The following ABCA5 variants were observed in gnomAD, a reference collection of about 807,000 sequenced individuals.
ABCA5 encodes cholesterol transporter ABCA5.
A neutral mutation model predicts 206.0 loss-of-function variants in ABCA5; 163 were observed. The observed-to-expected ratio is 0.79, with a 90% CI of 0.70 to 0.90. ABCA5 has a LOEUF of 0.90. Among genes scored for constraint, ABCA5 ranks in the 40% least tolerant of loss-of-function variants. The probability of loss-of-function intolerance (pLI) is 0.00; values close to 1 mark genes in which losing one functional copy is unlikely to be tolerated. For missense variants in ABCA5, 1,859 were observed against 1,912.9 expected, an observed-to-expected ratio of 0.97 and a Z score of 0.53; for synonymous variants, 609 against 613.8, an observed-to-expected ratio of 0.99 and a Z score of 0.11.
chr17:69,307,535 A>AC (rs1050338531), intron 5 of ABCA5, among the ~76,000 whole-genome samples: 1 of 152,106 alleles, frequency 6.6e-6, no homozygotes, highest in Non-Finnish European at 1.5e-5. Flanking sequence ...TTTGGCCAAA[A>AC]TACAAATAGG....
At position 69,277,729 on chromosome 17, in the gene ABCA5, T is replaced by C. The variant is rs1183474555; in HGVS notation, c.2506A>G (p.Thr836Ala). 1.9e-6 allele frequency: 3 copies of C among 1,610,422 alleles called. No homozygotes were observed. The highest frequency in any genetic ancestry group is 2.2e-5 in the East Asian group (1 of 44,744). Reference sequence around the variant, plus strand: ...ATCTGTTGTTTCCAAAGGCTCATGGTGCTCACTAGAGCAGCCTTGGTTTCA... The same window carrying C: ...ATCTGTTGTTTCCAAAGGCTCATGGCGCTCACTAGAGCAGCCTTGGTTTCA... ...LSETKAALVS[T>A]MSLWKQQMYT... The change falls in exon 19 of 39, where the codon ACC becomes GCC. Residue 836 changes from threonine (T) to alanine (A), a missense_variant. Thr to Ala is a moderately conservative substitution (Grantham distance 58). Coordinates refer to ENST00000392676, the MANE Select transcript of ABCA5 (RefSeq NM_172232.4).
intron 11 of ABCA5, 31 bp from the exon 12 acceptor site, chr17:69,291,357 A>C: frequency 7.3e-7 from 1 of 1,366,132 alleles, no homozygotes; most frequent in Non-Finnish European, 1.0e-6. Flanking sequence ...ACTCAAATGT[A>C]ATTTTTATGT....
At chr17:69,256,371 G>C in intron 28 of ABCA5, 88 bp from the exon 29 acceptor site, 1 of 725,282 alleles carries the variant, frequency 1.4e-6, no homozygotes, top group South Asian at 3.4e-5. Flanking sequence ...AGAAAAGACT[G>C]AAAAAATACA....
In ABCA5 at chr17:69,246,267, T is replaced by C. The variant is rs1746847590; in HGVS notation, c.*1270A>G. 6.6e-6 allele frequency: 1 copy of C among 152,016 alleles called. No individual in the cohort carries two copies. 9.4% of individuals were successfully genotyped at this position (152,016 alleles called of 1,614,324 possible). On this transcript the variant is annotated 3_prime_UTR_variant, in exon 39 of 39. Coordinates refer to ENST00000392676, the MANE Select transcript of ABCA5 (RefSeq NM_172232.4). The stretch of plus-strand genomic sequence containing the variant: ...AATTCAGTACCAAATCCTTCTGTCA[T>C]TGCTGTTGTTGTTGTCTAATACAAT...
intron 11 of ABCA5, among the ~76,000 whole-genome samples, chr17:69,293,379 A>T (rs2075549080): frequency 6.6e-6 from 1 of 152,116 alleles, no homozygotes; most frequent in Non-Finnish European, 1.5e-5. Flanking sequence ...AATCTGTTTC[A>T]TTCTTGAGGC....
chr17:69,312,406 T>A lies in ABCA5; in HGVS notation c.307+686A>T, dbSNP rs374850376. Among the ~76,000 whole-genome samples the A allele has an allele frequency of 3.2e-4, 48 of 152,210 alleles. 1 individual carries two copies. The East Asian group carries it at 8.7e-3, about 27-fold the overall frequency. Reference sequence around the variant, plus strand: ...AGCAAGATCCCATCTCTACAAAAAATATATATATAAATAAATAAAACAGAG... The same window carrying A: ...AGCAAGATCCCATCTCTACAAAAAAAATATATATAAATAAATAAAACAGAG... On this transcript the variant is annotated intron_variant, in intron 3 of 38. Coordinates refer to ENST00000392676, the MANE Select transcript of ABCA5 (RefSeq NM_172232.4).
Position 69,261,273 on chromosome 17 carries a change from T to C in ABCA5, c.3430-14A>G, listed in dbSNP as rs776279062. 3 of 1,577,954 alleles carry C rather than the reference T, an allele frequency of 1.9e-6. No homozygotes were observed. In the East Asian group the frequency reaches 6.8e-5, roughly 36 times the overall value. ...AGCCAACGCTGCCTAAAGAAAAAAA[T>C]AAATAAATAAAAGTGACAAAGTGTT... On this transcript the variant is annotated splice_polypyrimidine_tract_variant and intron_variant, in intron 25 of 38. Transcript: ENST00000392676.
chr17:69,283,755 A>C (rs2075421149), intron 18 of ABCA5, among the ~76,000 whole-genome samples, 198 bp downstream of exon 18: 1 of 134,024 alleles, frequency 7.5e-6, no homozygotes, highest in African/African-American at 2.9e-5. Flanking sequence ...TCCTGATGAT[A>C]TAATCTAAGT....
At chr17:69,274,367 C>T (rs138142682) in intron 19 of ABCA5, among the ~76,000 whole-genome samples, 67 of 152,100 alleles carry the variant, frequency 4.4e-4, no homozygotes, top group African/African-American at 1.3e-3. Context: ...TACAGGCACA[C>T]GCCACCATAC....
rs556689188 is a variant in ABCA5 at position 69,279,112 on chromosome 17, G to A, written c.2393-1270C>T. The stretch of plus-strand genomic sequence containing the variant: ...AGTCAAATTGTCCCTGTTTGCAGAT[G>A]ACATGATTGTATATCTAGAAAACCC... On this transcript the variant is annotated intron_variant, in intron 18 of 38. Coordinates refer to ENST00000392676, the MANE Select transcript of ABCA5 (RefSeq NM_172232.4). 4.6e-5 allele frequency among the ~76,000 whole-genome samples: 7 copies of A among 152,078 alleles called. No individual in the cohort carries two copies. In the South Asian group the frequency reaches 1.5e-3, roughly 32 times the overall value.
chr17:69,309,481 G>T, intron 3 of ABCA5, 58 bp from the exon 4 acceptor site: 4 of 1,160,916 alleles, frequency 3.4e-6, no homozygotes, highest in Non-Finnish European at 4.7e-6. Context: ...CAATACAGTA[G>T]ATCAAGTTTA....
At position 69,264,609 on chromosome 17, in the gene ABCA5, CACTT is replaced by C. The variant is rs1266393833; in HGVS notation, c.3315+122_3315+125del. ...GATTACATGTATTAAATACCAGACA[CACTT>C]GCTCTATTTTCTTTAACAAATTAAT... On this transcript the variant is annotated intron_variant, in intron 24 of 38. Coordinates refer to ENST00000392676, the MANE Select transcript of ABCA5 (RefSeq NM_172232.4). 7.4e-6 allele frequency: 4 copies of C among 537,578 alleles called. No homozygotes were observed. In the African/African-American group the frequency reaches 7.9e-5, roughly 11 times the overall value. The allele number at this position is 537,578 out of a possible 1,614,324, so 33.3% of individuals were successfully genotyped here. A position where few individuals can be genotyped will look rare whatever the true frequency, so the allele number is the denominator to read the frequency against.
chr17:69,272,663 GA>G (rs1024015178), intron 20 of ABCA5, among the ~76,000 whole-genome samples: 7 of 151,550 alleles, frequency 4.6e-5, no homozygotes, highest in South Asian at 2.1e-4. Flanking sequence ...CCTAATGAAA[GA>G]AAAAAAATTG....
chr17:69,276,341 C>T (rs574534282), intron 19 of ABCA5, among the ~76,000 whole-genome samples: 2 of 152,286 alleles, frequency 1.3e-5, no homozygotes, highest in Admixed American at 6.5e-5. Flanking sequence ...CCTGCCTTGG[C>T]CTCCCAAAGT....
In ABCA5 at chr17:69,261,632, T is replaced by C. The variant is rs1443323882; in HGVS notation, c.3429+3A>G. 1.6e-6 allele frequency: 2 copies of C among 1,229,658 alleles called. No homozygotes were observed. Among genetic ancestry groups the C allele is most frequent in the Non-Finnish European group, 2.3e-6 (2 of 874,192 alleles). 76.2% of individuals were successfully genotyped at this position (1,229,658 alleles called of 1,614,324 possible). On this transcript the variant is annotated splice_donor_region_variant and intron_variant, in intron 25 of 38. Coordinates refer to ENST00000392676, the MANE Select transcript of ABCA5 (RefSeq NM_172232.4). The stretch of plus-strand genomic sequence containing the variant: ...AGTTGAAATAATGTAAAATGTGACT[T>C]ACCACAGAATAGATAAATGACCAAA...
chr17:69,303,251 G>A (rs2075670742), intron 7 of ABCA5, among the ~76,000 whole-genome samples: 1 of 152,052 alleles, frequency 6.6e-6, no homozygotes, highest in Admixed American at 6.6e-5. Flanking sequence ...CCGTGTAGCT[G>A]GGATTACAGG....
chr17:69,313,072 T>C lies in ABCA5; in HGVS notation c.307+20A>G, dbSNP rs1244900455. 7 of 1,540,360 alleles carry C rather than the reference T, an allele frequency of 4.5e-6. No homozygotes were observed. The highest frequency in any genetic ancestry group is 3.9e-5 in the Admixed American group (2 of 51,764). ...AAGGCTTAATATTATAAACAGAATATATATATAAGCTCACAATACCATCAG... is the reference window on the plus strand; with the variant it reads ...AAGGCTTAATATTATAAACAGAATACATATATAAGCTCACAATACCATCAG... On this transcript the variant is annotated intron_variant, in intron 3 of 38. Transcript: ENST00000392676.
intron 28 of ABCA5, among the ~76,000 whole-genome samples, chr17:69,258,751 T>C (rs780292717): frequency 1.6e-4 from 24 of 152,122 alleles, no homozygotes; most frequent in Non-Finnish European, 3.4e-4. Context: ...TATTATCAAA[T>C]GGAACTTTTA....
Position 69,260,341 on chromosome 17 carries a change from T to C in ABCA5, c.3636A>G (p.Ile1212Met). 1 of 1,602,082 alleles carries C rather than the reference T, an allele frequency of 6.2e-7. No individual in the cohort carries two copies. Among genetic ancestry groups the C allele is most frequent in the Non-Finnish European group, 8.5e-7 (1 of 1,172,158 alleles). The change falls in exon 27 of 39, where the codon ATA becomes ATG. Residue 1212 changes from isoleucine to methionine, a missense_variant. Transcript: ENST00000392676. ...NPWDRLSVAV[I>M]SPYLQCVLWI... ...ACAAAAACACTTTATTTCTTACCGATATAACAGCTACTGAAAGCCTATCCC... is the reference window on the plus strand; with the variant it reads ...ACAAAAACACTTTATTTCTTACCGACATAACAGCTACTGAAAGCCTATCCC...
Sources: gnomAD v4.1 joint callset for allele counts (sites outside exome capture counted in the v4.1 genomes callset) on GRCh38, gnomAD v4.1.1 for gene constraint, MANE v1.5 for transcripts, NCBI Gene and HGNC (gene_info 2026-07-23, HGNC 2026-07-21) for gene names.